The following NXPE2 variants were observed in gnomAD, a reference collection of about 807,000 sequenced individuals.
The protein encoded by NXPE2 is NXPE family member 2.
Under a neutral mutation model 34.4 loss-of-function variants are expected in NXPE2, and 34 were observed. That is an observed-to-expected ratio of 0.99 (90% CI 0.75 to 1.31). NXPE2 has a LOEUF of 1.31. NXPE2 is among the 40% of genes most tolerant of loss of function. The pLI is 0.00. For missense variants in NXPE2, 649 were observed against 672.5 expected (o/e 0.97, Z 0.39); for synonymous variants, 235 against 231.3 (o/e 1.02, Z -0.15).
chr11:114,751,751 A>C, the NXPE2 span, among the ~76,000 whole-genome samples: 4 of 152,330 alleles, frequency 2.6e-5, no homozygotes, highest in South Asian at 8.3e-4. Flanking sequence ...ACTTTGAATC[A>C]GTGACCAAAT....
the NXPE2 span, among the ~76,000 whole-genome samples, chr11:114,751,221 T>C: frequency 6.6e-6 from 1 of 152,168 alleles, no homozygotes; most frequent in Non-Finnish European, 1.5e-5. Flanking sequence ...CCCAGCCAAC[T>C]GCAAAGGAGC....
chr11:114,765,051 A>G, the NXPE2 span, among the ~76,000 whole-genome samples: 3 of 151,944 alleles, frequency 2.0e-5, no homozygotes, highest in African/African-American at 4.8e-5. Flanking sequence ...ATCTTTTACA[A>G]CTTCAGCCTC....
At chr11:114,800,457 A>G in the NXPE2 span, among the ~76,000 whole-genome samples, 22,903 of 152,172 alleles carry the variant, frequency 0.15, 1,716 homozygotes, top group South Asian at 0.18. Flanking sequence ...CTGTTTGTTA[A>G]ACTGATTTTT....
chr11:114,548,457 A>G, the NXPE2 span, among the ~76,000 whole-genome samples: 3 of 152,240 alleles, frequency 2.0e-5, no homozygotes, highest in East Asian at 3.9e-4. Context: ...TGGTAGAAAT[A>G]ATAATAAAGG....
chr11:114,809,940 ATACTAC>A, the NXPE2 span, among the ~76,000 whole-genome samples: 35 of 149,418 alleles, frequency 2.3e-4, no homozygotes, highest in Non-Finnish European at 4.3e-4. Context: ...ACTTCAAACT[ATACTAC>A]ACGGCTACAG....
At chr11:114,581,511 G>A in the NXPE2 span, among the ~76,000 whole-genome samples, 2 of 152,336 alleles carry the variant, frequency 1.3e-5, no homozygotes, top group East Asian at 3.9e-4. Context: ...CAAATAGACT[G>A]ATGATGAGAG....
the NXPE2 span, among the ~76,000 whole-genome samples, chr11:114,495,839 T>A: frequency 6.6e-6 from 1 of 152,172 alleles, no homozygotes; most frequent in Admixed American, 6.5e-5. Context: ...GCTGTAGGAT[T>A]CTGCCTGGTG....
the NXPE2 span, among the ~76,000 whole-genome samples, chr11:114,799,291 CAAAA>C: frequency 5.6e-3 from 532 of 94,304 alleles, 2 homozygotes; most frequent in African/African-American, 0.016. Flanking sequence ...GGCAATGAAG[CAAAA>C]AAAAAAAAAA....
chr11:114,558,204 A>ATG, the NXPE2 span, among the ~76,000 whole-genome samples: 4 of 152,002 alleles, frequency 2.6e-5, no homozygotes, highest in East Asian at 5.8e-4. Flanking sequence ...ATATGTGTTT[A>ATG]TGTGTGTGTG....
the NXPE2 span, among the ~76,000 whole-genome samples, chr11:114,546,986 G>A: frequency 6.6e-6 from 1 of 152,250 alleles, no homozygotes; most frequent in African/African-American, 2.4e-5. Context: ...AAACAAATAT[G>A]TAAGGGATAA....
the NXPE2 span, among the ~76,000 whole-genome samples, chr11:114,485,255 C>T: frequency 6.6e-6 from 1 of 151,994 alleles, no homozygotes; most frequent in African/African-American, 2.4e-5. Context: ...GTTGCCCAGG[C>T]TGGAGTGTAG....
chr11:114,693,971 G>A (rs1186213192), intron 2 of NXPE2, among the ~76,000 whole-genome samples: 1 of 152,224 alleles, frequency 6.6e-6, no homozygotes, highest in Non-Finnish European at 1.5e-5. Flanking sequence ...CAAGGTATTA[G>A]CAGGGCTGCA....
chr11:114,646,800 T>C, the NXPE2 span, among the ~76,000 whole-genome samples: 1 of 152,198 alleles, frequency 6.6e-6, no homozygotes, highest in Non-Finnish European at 1.5e-5. Flanking sequence ...GTATACACTT[T>C]AGGCTTAAGA....
the NXPE2 span, among the ~76,000 whole-genome samples, chr11:114,807,368 A>C: frequency 6.6e-6 from 1 of 152,258 alleles, no homozygotes; most frequent in East Asian, 1.9e-4. Context: ...AAATGGGCTA[A>C]ATGCTGCAAT....
the NXPE2 span, chr11:114,522,740 C>T: frequency 1.5e-6 from 1 of 685,080 alleles, no homozygotes; most frequent in Non-Finnish European, 2.4e-6. Flanking sequence ...GAATAAAATA[C>T]ATTTTAAATG....
chr11:114,802,615 T>C, the NXPE2 span, among the ~76,000 whole-genome samples: 1 of 152,186 alleles, frequency 6.6e-6, no homozygotes, highest in Non-Finnish European at 1.5e-5. Flanking sequence ...AGACAGTCTT[T>C]TATTTTTTTT....
the NXPE2 span, among the ~76,000 whole-genome samples, chr11:114,628,418 C>T: frequency 6.6e-6 from 1 of 152,192 alleles, no homozygotes; most frequent in Non-Finnish European, 1.5e-5. Flanking sequence ...TTCTGAATGA[C>T]TACTGGGTAC....
chr11:114,758,864 A>G, the NXPE2 span, among the ~76,000 whole-genome samples: 1 of 148,946 alleles, frequency 6.7e-6, no homozygotes, highest in East Asian at 1.9e-4. Context: ...TAACACATTT[A>G]ATATTTTTAA....
At chr11:114,813,552 C>T in the NXPE2 span, among the ~76,000 whole-genome samples, 1 of 152,198 alleles carries the variant, frequency 6.6e-6, no homozygotes, top group African/African-American at 2.4e-5. Context: ...TGCATGCATG[C>T]ATGTGGGATG....
Sources: allele counts gnomAD v4.1 joint callset (sites outside exome capture counted in the v4.1 genomes callset), GRCh38; gene constraint gnomAD v4.1.1; transcripts MANE v1.5; gene names NCBI Gene and HGNC (gene_info 2026-07-23, HGNC 2026-07-21).